Variants in ABCB11 observed in about 807,000 individuals in gnomAD.
ABCB11 encodes the protein bile salt export pump.
ABCB11 carries 95 observed loss-of-function variants against 148.0 expected under a neutral mutation model. The ratio of observed to expected loss-of-function variants is 0.64; its 90% CI spans 0.54 to 0.76. The LOEUF (loss-of-function observed/expected upper bound fraction) is 0.76, where lower values mean the gene tolerates loss of function less well. Ranked by LOEUF, ABCB11 falls within the 30% of genes least tolerant of loss-of-function variation. ABCB11 has a pLI of 0.00. For synonymous variants in ABCB11, 591 were observed against 555.4 expected, an observed-to-expected ratio of 1.06 and a Z score of -0.90; for missense variants, 1,523 against 1,617.8, an observed-to-expected ratio of 0.94 and a Z score of 1.01.
chr2:168,943,984 T>C (rs1052879068), intron 21 of ABCB11, among the ~76,000 whole-genome samples: 2 of 152,042 alleles, frequency 1.3e-5, no homozygotes, highest in African/African-American at 4.8e-5. Flanking sequence ...TTTGGCTCTC[T>C]TCACTTTAAT....
intron 2 of ABCB11, among the ~76,000 whole-genome samples, 180 bp from the exon 3 acceptor site, chr2:169,016,979 TACACACACACACACAC>T (rs71397686): frequency 1.7e-4 from 23 of 138,100 alleles, no homozygotes; most frequent in South Asian, 4.9e-4. Flanking sequence ...TCTATCTTTC[TACACACACACACACAC>T]ACACACACAC....
intron 21 of ABCB11, among the ~76,000 whole-genome samples, chr2:168,937,423 T>C (rs1303477583): frequency 6.6e-6 from 1 of 152,204 alleles, no homozygotes; most frequent in Non-Finnish European, 1.5e-5. Flanking sequence ...GTTAAGTTCT[T>C]TTAAATGATT....
intron 21 of ABCB11, among the ~76,000 whole-genome samples, chr2:168,936,886 T>G (rs1018162350): frequency 2.0e-5 from 3 of 152,124 alleles, no homozygotes; most frequent in Non-Finnish European, 4.4e-5. Context: ...TTTTTATTTT[T>G]TGTTTATTTT....
chr2:168,946,497 A>G (rs1455589882), intron 19 of ABCB11, among the ~76,000 whole-genome samples: 1 of 151,842 alleles, frequency 6.6e-6, no homozygotes, highest in African/African-American at 2.4e-5. Flanking sequence ...CAATACTGGT[A>G]AAAGTGGGTT....
At chr2:168,964,017 C>G (rs948136484) in intron 18 of ABCB11, among the ~76,000 whole-genome samples, 189 bp downstream of exon 18, 1 of 151,792 alleles carries the variant, frequency 6.6e-6, no homozygotes, top group Non-Finnish European at 1.5e-5. Context: ...AATCAATTAA[C>G]TAATCTGCAT....
At chr2:168,940,808 CT>C (rs1692029361) in intron 21 of ABCB11, among the ~76,000 whole-genome samples, 3 of 152,022 alleles carry the variant, frequency 2.0e-5, no homozygotes, top group Admixed American at 2.0e-4. Flanking sequence ...CAGCTGATGA[CT>C]TTAAGTTGAA....
chr2:168,989,059 A>C (rs1694427425), intron 9 of ABCB11, among the ~76,000 whole-genome samples: 1 of 151,972 alleles, frequency 6.6e-6, no homozygotes, highest in Non-Finnish European at 1.5e-5. Context: ...GGTTACAAAT[A>C]TTTTCTCTCA....
chr2:168,936,399 G>A lies in ABCB11; in HGVS notation c.2645C>T (p.Ser882Phe), dbSNP rs1395869738. 6.2e-7 allele frequency: 1 copy of A among 1,613,788 alleles called. No individual in the cohort carries two copies. Among genetic ancestry groups the A allele is most frequent in the African/African-American group, 1.3e-5 (1 of 74,980 alleles). ...AGSQIGMIVN[S>F]FTNVTVAMII... is the part of the protein sequence containing the mutation. Reference sequence around the variant, plus strand: ...CATGGCCACAGTGACGTTAGTGAAGGAATTGACTATCATCCCGATCTGAGA... The same window carrying A: ...CATGGCCACAGTGACGTTAGTGAAGAAATTGACTATCATCCCGATCTGAGA... Residue 882 changes from serine to phenylalanine, a missense_variant, in exon 22 of 28, where the codon TCC becomes TTC. Ser to Phe is a radical substitution (Grantham distance 155). Transcript: ENST00000650372.
chr2:169,019,004 G>GT (rs944519915), intron 1 of ABCB11, among the ~76,000 whole-genome samples: 3 of 151,210 alleles, frequency 2.0e-5, no homozygotes, highest in Admixed American at 6.6e-5. Context: ...CGAGAGGACT[G>GT]TAAGTGCCCC....
intron 2 of ABCB11, among the ~76,000 whole-genome samples, chr2:169,017,439 A>G (rs1456824091): frequency 6.6e-6 from 1 of 152,206 alleles, no homozygotes; most frequent in African/African-American, 2.4e-5. Context: ...GTAAAGAAGC[A>G]TGATAATGTT....
At chr2:168,939,317 A>G (rs1414572330) in intron 21 of ABCB11, among the ~76,000 whole-genome samples, 1 of 152,048 alleles carries the variant, frequency 6.6e-6, no homozygotes, top group Non-Finnish European at 1.5e-5. Context: ...GGGGGATATC[A>G]TTATTTACTA....
intron 5 of ABCB11, among the ~76,000 whole-genome samples, chr2:169,010,500 T>C (rs1218090511): frequency 1.3e-5 from 2 of 152,196 alleles, no homozygotes; most frequent in Non-Finnish European, 2.9e-5. Flanking sequence ...CTCCTGTCAT[T>C]ACACACACAT....
At chr2:169,027,458 A>G (rs763342131) in intron 1 of ABCB11, among the ~76,000 whole-genome samples, 2 of 152,196 alleles carry the variant, frequency 1.3e-5, no homozygotes, top group Non-Finnish European at 2.9e-5. Flanking sequence ...AATCTTATCA[A>G]CACAGATACG....
intron 5 of ABCB11, among the ~76,000 whole-genome samples, chr2:169,002,558 G>A (rs528475982): frequency 6.6e-6 from 1 of 152,196 alleles, no homozygotes; most frequent in East Asian, 1.9e-4. Flanking sequence ...CAAATGAATG[G>A]ATAAAGAAAA....
chr2:169,002,813 A>G (rs1694914377), intron 5 of ABCB11, among the ~76,000 whole-genome samples: 1 of 152,126 alleles, frequency 6.6e-6, no homozygotes, highest in South Asian at 2.1e-4. Flanking sequence ...AAAAATACAA[A>G]ATTTCAATTA....
chr2:168,935,480 G>A, intron 22 of ABCB11, 55 bp from the exon 23 acceptor site: 1 of 1,559,022 alleles, frequency 6.4e-7, no homozygotes, highest in Non-Finnish European at 8.7e-7. Context: ...CTCCTTTCGT[G>A]ACATTTCAGT....
chr2:168,921,227 TTA>T lies in ABCB11; in HGVS notation c.*2393_*2394del, dbSNP rs1691066177. ...CCATCAAGAATTCTGGCCTGACCAGTTAACTTGCTAAACCATCTTTGCTGTTA... is the reference window on the plus strand; with the variant it reads ...CCATCAAGAATTCTGGCCTGACCAGTACTTGCTAAACCATCTTTGCTGTTA... On this transcript the variant is annotated 3_prime_UTR_variant, in exon 28 of 28. Transcript: ENST00000650372. 1.3e-5 allele frequency among the ~76,000 whole-genome samples: 2 copies of T among 152,208 alleles called. No homozygotes were observed. Among genetic ancestry groups the T allele is most frequent in the Non-Finnish European group, 2.9e-5 (2 of 68,038 alleles).
intron 5 of ABCB11, among the ~76,000 whole-genome samples, chr2:169,010,399 G>A (rs1023758782): frequency 5.3e-5 from 8 of 152,144 alleles, no homozygotes; most frequent in Middle Eastern, 3.4e-3. Flanking sequence ...GTAATTCACT[G>A]ACAGCCATCT....
chr2:168,932,550 A>G lies in ABCB11; in HGVS notation c.3057-17T>C. ...GAGATCACCCTGTAACCAGACAGAC[A>G]CACAGGAAGAGAGCAGGGTGGCGTG... On this transcript the variant is annotated splice_polypyrimidine_tract_variant and intron_variant, in intron 23 of 27. Transcript: ENST00000650372. 6.2e-7 allele frequency: 1 copy of G among 1,611,946 alleles called. No individual in the cohort carries two copies. Among genetic ancestry groups the G allele is most frequent in the Non-Finnish European group, 8.5e-7 (1 of 1,178,874 alleles).
Sources: allele counts gnomAD v4.1 joint callset (sites outside exome capture counted in the v4.1 genomes callset), GRCh38; gene constraint gnomAD v4.1.1; transcripts MANE v1.5; gene names NCBI Gene and HGNC (gene_info 2026-07-23, HGNC 2026-07-21).